THOC2: variants seen among roughly 807,000 people sequenced by gnomAD.
THOC2 encodes the protein THO complex 2.
In THOC2, 10 loss-of-function variants were observed where a neutral mutation model predicts 128.4. That is an observed-to-expected ratio of 0.08 (90% CI 0.05 to 0.13). The LOEUF (loss-of-function observed/expected upper bound fraction) is 0.13, where lower values mean the gene tolerates loss of function less well. THOC2 is among the 10% of genes least tolerant of loss of function. The pLI is 1.00. For missense variants in THOC2, 535 were observed against 1,155.7 expected (o/e 0.46, Z 7.79); for synonymous variants, 393 against 396.9 (o/e 0.99, Z 0.12).
chrX:123,608,437 C>T (rs2147523593), intron 38 of THOC2, among the ~76,000 whole-genome samples: 1 of 105,681 alleles, frequency 9.5e-6, no homozygotes, highest in South Asian at 4.3e-4. Flanking sequence ...AACTATCAGC[C>T]AGATGGCCCA....
intron 12 of THOC2, among the ~76,000 whole-genome samples, chrX:123,645,743 C>T (rs1381139952): frequency 8.9e-6 from 1 of 112,594 alleles, no homozygotes; most frequent in African/African-American, 3.2e-5. Flanking sequence ...GGGCAGATCA[C>T]CTGAGGTCAG....
At chrX:123,624,740 C>G (rs754521817) in intron 25 of THOC2, 71 bp from the exon 26 acceptor site, 33 of 1,002,822 alleles carry the variant, frequency 3.3e-5, no homozygotes, top group Middle Eastern at 5.4e-4. Flanking sequence ...TTAGAAGATT[C>G]TCTTACAGCA....
intron 8 of THOC2, among the ~76,000 whole-genome samples, chrX:123,673,173 T>C (rs1403716112): frequency 9.0e-6 from 1 of 110,823 alleles, no homozygotes; most frequent in East Asian, 2.8e-4. Flanking sequence ...ACCCCGTCTC[T>C]CCTAAAAATA....
chrX:123,657,606 T>C (rs927296589), intron 12 of THOC2, among the ~76,000 whole-genome samples: 5 of 107,373 alleles, frequency 4.7e-5, no homozygotes, highest in African/African-American at 1.7e-4. Context: ...TTAGAAACTA[T>C]GCAAGCAGAG....
chrX:123,659,261 G>A (rs12841446), intron 12 of THOC2, among the ~76,000 whole-genome samples: 8,051 of 111,839 alleles, frequency 0.072, 289 homozygotes, highest in Non-Finnish European at 0.11. Flanking sequence ...TCCAAGGATG[G>A]GGCCCAACAA....
At chrX:123,678,117 T>C (rs946248989) in intron 8 of THOC2, among the ~76,000 whole-genome samples, 3 of 110,294 alleles carry the variant, frequency 2.7e-5, no homozygotes, top group African/African-American at 9.9e-5. Flanking sequence ...CTTGAGGAGG[T>C]GTCACTCTTT....
chrX:123,684,936 C>T (rs2049945548), intron 8 of THOC2, among the ~76,000 whole-genome samples: 1 of 112,092 alleles, frequency 8.9e-6, no homozygotes, highest in Admixed American at 9.5e-5. Context: ...ACAGACACTC[C>T]TCTACACCAG....
At position 123,621,340 on chromosome X, in the gene THOC2, T is replaced by C. The variant is rs1339252599; in HGVS notation, c.4033A>G (p.Thr1345Ala). The C allele has an allele frequency of 1.7e-5, 20 of 1,208,678 alleles. No homozygotes were observed. The highest frequency in any genetic ancestry group is 2.2e-5 in the Non-Finnish European group (20 of 894,922). ...EKAKDEKFKT[T>A]VPNAESKSTQ... The stretch of plus-strand genomic sequence containing the variant: ...GATTTTGATTCTGCGTTGGGGACAG[T>C]GGTCTTAAATTTCTCATCTTTAGCT... The change falls in exon 31 of 39, where the codon ACT (threonine) becomes GCT (alanine). Residue 1345 changes from threonine to alanine, a missense_variant. This residue lies in a region of THOC2 where 116 missense variants were observed against 180.0 expected (regional missense o/e 0.64). Transcript: ENST00000245838.
At chrX:123,650,218 G>A (rs2048300237) in intron 12 of THOC2, among the ~76,000 whole-genome samples, 1 of 111,665 alleles carries the variant, frequency 9.0e-6, no homozygotes, top group Non-Finnish European at 1.9e-5. Context: ...AGCTTTATAA[G>A]AGAAGGAGAA....
chrX:123,633,832 G>A, intron 20 of THOC2, 121 bp downstream of exon 20: 1 of 428,601 alleles, frequency 2.3e-6, no homozygotes, highest in East Asian at 3.9e-5. Context: ...GGTTGTGAAA[G>A]GAAGGTATGT....
intron 4 of THOC2, among the ~76,000 whole-genome samples, chrX:123,698,052 T>A (rs1469182140): frequency 1.9e-5 from 2 of 106,784 alleles, no homozygotes; most frequent in Non-Finnish European, 3.9e-5. Context: ...AAATGAAACA[T>A]TCAAACAAAG....
chrX:123,647,018 T>C (rs894638630), intron 12 of THOC2, among the ~76,000 whole-genome samples: 2 of 112,029 alleles, frequency 1.8e-5, no homozygotes, highest in Admixed American at 1.9e-4. Flanking sequence ...AAACATTTTC[T>C]TATTTACTAA....
chrX:123,684,812 G>A, intron 8 of THOC2, among the ~76,000 whole-genome samples: 1 of 112,316 alleles, frequency 8.9e-6, no homozygotes, highest in African/African-American at 3.2e-5. Context: ...GTCTGCTGGA[G>A]CATCCCAGAT....
chrX:123,727,189 G>C (rs1003380852), intron 1 of THOC2, among the ~76,000 whole-genome samples: 10 of 110,395 alleles, frequency 9.1e-5, no homozygotes, highest in Non-Finnish European at 1.7e-4. Flanking sequence ...CTCCAGCCTA[G>C]GTGACAAAGC....
chrX:123,627,868 T>C lies in THOC2; in HGVS notation c.2582A>G (p.His861Arg), dbSNP rs2047321558. The C allele has an allele frequency of 1.7e-6, 2 of 1,212,021 alleles. No homozygotes were observed. Among genetic ancestry groups the C allele is most frequent in the Non-Finnish European group, 1.1e-6 (1 of 895,467 alleles). Residue 861 changes from histidine to arginine, a missense_variant, in exon 23 of 39, where the codon CAT (histidine) becomes CGT (arginine). His to Arg is a conservative substitution (Grantham distance 29). Around this residue, in one of 9 missense-constraint regions of THOC2, gnomAD observed 90 missense variants for 298.6 expected, o/e 0.30. Transcript: ENST00000245838. ...AACATGTAAGGAGACCACTGCTTCA[T>C]GGACAGGCGCCATCACCATCTCACA... The part of the protein sequence containing the change: ...TSCEMVMAPV[H>R]EAVVSLHVSK...
At chrX:123,698,687 C>A (rs1291034348) in intron 4 of THOC2, among the ~76,000 whole-genome samples, 2 of 108,083 alleles carry the variant, frequency 1.9e-5, no homozygotes, top group Non-Finnish European at 3.8e-5. Context: ...CCATCCTGGG[C>A]AACATGATGA....
intron 4 of THOC2, among the ~76,000 whole-genome samples, chrX:123,699,640 A>T (rs1271770099): frequency 9.0e-6 from 1 of 110,831 alleles, no homozygotes; most frequent in Non-Finnish European, 1.9e-5. Flanking sequence ...AGTCCCTAAG[A>T]TCTACCTCTC....
chrX:123,610,693 G>C (rs918459054), intron 38 of THOC2, among the ~76,000 whole-genome samples: 2 of 111,154 alleles, frequency 1.8e-5, no homozygotes, highest in Non-Finnish European at 3.8e-5. Context: ...AATATATCTT[G>C]GTGCTTAAAA....
At chrX:123,602,516 T>C (rs2046318092) in intron 38 of THOC2, 1 of 111,913 alleles carries the variant, frequency 8.9e-6, no homozygotes, top group African/African-American at 3.2e-5. Flanking sequence ...AAATGAAATG[T>C]CCAAAACAGG....
Sources: gnomAD v4.1 joint callset for allele counts (sites outside exome capture counted in the v4.1 genomes callset) on GRCh38, gnomAD v4.1.1 for gene constraint, gnomAD v4.1.1 regional missense constraint, MANE v1.5 for transcripts, NCBI Gene and HGNC (gene_info 2026-07-23, HGNC 2026-07-21) for gene names.